The following LIN9 variants were observed in gnomAD, a reference collection of about 807,000 sequenced individuals.
The protein encoded by LIN9 is protein lin-9 homolog.
Under a neutral mutation model 78.0 loss-of-function variants are expected in LIN9, and 18 were observed. The observed-to-expected ratio is 0.23, with a 90% CI of 0.16 to 0.34. The LOEUF is 0.34. LIN9 is among the 10% of genes least tolerant of loss of function. LIN9 has a pLI of 1.00. For synonymous variants in LIN9, 192 were observed against 215.2 expected (o/e 0.89, Z 0.94); for missense variants, 451 against 644.1 (o/e 0.70, Z 3.25).
chr1:226,241,611 C>A (rs1199181121), intron 11 of LIN9, among the ~76,000 whole-genome samples: 1 of 152,184 alleles, frequency 6.6e-6, no homozygotes. Context: ...GTAATCCCAG[C>A]ACTTTGGGAG....
chr1:226,305,862 G>A (rs1364643638), intron 1 of LIN9, among the ~76,000 whole-genome samples: 1 of 152,202 alleles, frequency 6.6e-6, no homozygotes, highest in Non-Finnish European at 1.5e-5. Context: ...CCCTCTCGCT[G>A]TGTGTTTGTG....
chr1:226,240,271 G>A (rs755857144), intron 11 of LIN9, among the ~76,000 whole-genome samples: 9 of 152,268 alleles, frequency 5.9e-5, no homozygotes, highest in East Asian at 1.9e-4. Flanking sequence ...TTGGGATGGC[G>A]TCTTGCTATG....
chr1:226,309,300 G>A (rs1663143147), upstream of LIN9: 19 of 1,045,628 alleles, frequency 1.8e-5, no homozygotes, highest in South Asian at 9.0e-5. Context: ...GGCTCCGCCC[G>A]CGCCTGCCCG....
chr1:226,263,758 T>C (rs1320963071), intron 10 of LIN9, among the ~76,000 whole-genome samples: 1 of 152,238 alleles, frequency 6.6e-6, no homozygotes, highest in Non-Finnish European at 1.5e-5. Context: ...TAAGAAATTT[T>C]ATATTGCAAG....
chr1:226,296,188 T>A (rs989504788), intron 3 of LIN9, among the ~76,000 whole-genome samples: 2 of 152,226 alleles, frequency 1.3e-5, no homozygotes, highest in Admixed American at 1.3e-4. Flanking sequence ...AAAGTAAAAC[T>A]GGAACCCCAA....
chr1:226,249,353 G>GC (rs1443186797), intron 11 of LIN9, among the ~76,000 whole-genome samples: 2 of 152,112 alleles, frequency 1.3e-5, no homozygotes, highest in Non-Finnish European at 2.9e-5. Flanking sequence ...TTTTCGGATG[G>GC]CTTGTGTATC....
At position 226,277,842 on chromosome 1, in the gene LIN9, A is replaced by T; in HGVS notation, c.615T>A (p.Asp205Glu). ...IRLLQQRKVA[D>E]VSQFKDLPDE... ...CTGGGAGATCTTTGAATTGTGAAAC[A>T]TCTGCAACTTTCCTTTGTTGTAAGA... The change falls in exon 7 of 15, where the codon GAT becomes GAA. Residue 205 changes from aspartate (D) to glutamate (E), a missense_variant. By Grantham distance (45) the Asp-to-Glu change is conservative. Transcript: ENST00000681046. 6.2e-7 allele frequency: 1 copy of T among 1,613,912 alleles called. No individual in the cohort carries two copies. The highest frequency in any genetic ancestry group is 8.5e-7 in the Non-Finnish European group (1 of 1,179,874).
chr1:226,266,592 A>G (rs557654402), intron 8 of LIN9, among the ~76,000 whole-genome samples: 43 of 144,230 alleles, frequency 3.0e-4, no homozygotes, highest in African/African-American at 7.1e-4. Context: ...ATAAAAAAAA[A>G]GGGGGGGGGT....
At chr1:226,232,946 T>C (rs1309552509) in intron 14 of LIN9, 150 bp downstream of exon 14, 3 of 548,138 alleles carry the variant, frequency 5.5e-6, no homozygotes, top group African/African-American at 2.0e-5. Context: ...ATTCTGTCCA[T>C]AGGCTGGATA....
In LIN9 at chr1:226,289,834, C is replaced by CGGA. The variant is rs1296903239; in HGVS notation, c.265-2038_265-2037insTCC. On this transcript the variant is annotated intron_variant, in intron 4 of 14. Coordinates refer to ENST00000681046, the MANE Select transcript of LIN9 (RefSeq NM_001366245.2). ...TTACTAGGACAACTAAGTAGTCCTCCGGGGGGGGGGGTGGGGGGGGGTGGG... is the reference window on the plus strand; with the variant it reads ...TTACTAGGACAACTAAGTAGTCCTCCGGAGGGGGGGGGGGTGGGGGGGGGTGGG... Among the ~76,000 whole-genome samples, 95 of 12,072 alleles carry CGGA rather than the reference C, an allele frequency of 7.9e-3. 5 individuals carry two copies. Among genetic ancestry groups the CGGA allele is most frequent in the Non-Finnish European group, 8.4e-3 (58 of 6,890 alleles). 7.9% of individuals were successfully genotyped at this position (12,072 alleles called of 152,430 possible).
At chr1:226,281,470 C>T (rs1183315673) in intron 6 of LIN9, among the ~76,000 whole-genome samples, 1 of 151,914 alleles carries the variant, frequency 6.6e-6, no homozygotes, top group South Asian at 2.1e-4. Flanking sequence ...ACTATTTCCA[C>T]ATAATTAGAA....
Position 226,232,314 on chromosome 1 carries a change from A to T in LIN9, c.*187T>A, listed in dbSNP as rs1657387644. 1 of 413,222 alleles carries T rather than the reference A, an allele frequency of 2.4e-6. No homozygotes were observed. The highest frequency in any genetic ancestry group is 4.2e-5 in the Admixed American group (1 of 23,710). The allele number at this position is 413,222 out of a possible 1,614,324, so 25.6% of individuals were successfully genotyped here. A position where few individuals can be genotyped will look rare whatever the true frequency, so the allele number is the denominator to read the frequency against. On this transcript the variant is annotated 3_prime_UTR_variant, in exon 15 of 15. Coordinates refer to ENST00000681046, the MANE Select transcript of LIN9 (RefSeq NM_001366245.2). ...CTACTGCATCTGAATAATAAAAGAA[A>T]AATAAATATAATGCTGGTCAGCAAT...
At chr1:226,309,505 C>T (rs1237955970), upstream of LIN9, 2 of 1,129,634 alleles carry the variant, frequency 1.8e-6, no homozygotes, top group African/African-American at 3.4e-5. Context: ...GCTGCAGCTG[C>T]GGGAACTGCA....
intron 2 of LIN9, among the ~76,000 whole-genome samples, chr1:226,299,536 G>A (rs566812090): frequency 5.1e-4 from 74 of 146,524 alleles, no homozygotes; most frequent in Non-Finnish European, 7.5e-4. Flanking sequence ...AGGGGGGAGA[G>A]AAATGAGTTT....
chr1:226,309,228 G>T (rs767381203), upstream of LIN9: 2 of 1,419,970 alleles, frequency 1.4e-6, no homozygotes, highest in South Asian at 3.0e-5. Flanking sequence ...GTTCGAATGC[G>T]GAGCTCGCTG....
At chr1:226,282,485 AC>A (rs1166496361) in intron 6 of LIN9, among the ~76,000 whole-genome samples, 1 of 152,138 alleles carries the variant, frequency 6.6e-6, no homozygotes, top group Non-Finnish European at 1.5e-5. Context: ...TACTAACCCA[AC>A]ACATTAAAAC....
chr1:226,273,051 C>T (rs1046495450), intron 7 of LIN9, among the ~76,000 whole-genome samples: 8 of 152,224 alleles, frequency 5.3e-5, no homozygotes, highest in South Asian at 4.1e-4. Flanking sequence ...AAGTGATCCT[C>T]GTGCCTTGGC....
At chr1:226,247,279 C>T (rs947951487) in intron 11 of LIN9, among the ~76,000 whole-genome samples, 1 of 152,064 alleles carries the variant, frequency 6.6e-6, no homozygotes, top group African/African-American at 2.4e-5. Flanking sequence ...TTTCTAAAAA[C>T]TCCATTGTCT....
intron 1 of LIN9, among the ~76,000 whole-genome samples, chr1:226,307,597 T>C (rs1259724537): frequency 6.6e-6 from 1 of 152,128 alleles, no homozygotes; most frequent in Non-Finnish European, 1.5e-5. Context: ...GATAGTACCA[T>C]TGCACCCCAG....
Sources: allele counts gnomAD v4.1 joint callset (sites outside exome capture counted in the v4.1 genomes callset), GRCh38; gene constraint gnomAD v4.1.1; transcripts MANE v1.5; gene names NCBI Gene and HGNC (gene_info 2026-07-23, HGNC 2026-07-21).